The following OCLN variants were observed in gnomAD, a reference collection of about 807,000 sequenced individuals.
OCLN encodes the protein occludin, also known as phosphatase 1, regulatory subunit 115.
In OCLN, 21 loss-of-function variants were observed where a neutral mutation model predicts 47.9. The ratio of observed to expected loss-of-function variants is 0.44; its 90% CI spans 0.31 to 0.63. OCLN has a LOEUF of 0.63. Ranked by LOEUF, OCLN falls within the 30% of genes least tolerant of loss-of-function variation. OCLN has a pLI of 0.08. For missense variants in OCLN, 360 were observed against 571.0 expected, an observed-to-expected ratio of 0.63 and a Z score of 3.77; for synonymous variants, 117 against 198.4, an observed-to-expected ratio of 0.59 and a Z score of 3.45.
chr5:69,521,074 C>T (rs1011929600), intron 4 of OCLN, among the ~76,000 whole-genome samples: 6 of 151,776 alleles, frequency 4.0e-5, no homozygotes, highest in African/African-American at 1.5e-4. Flanking sequence ...TGACCTCAGG[C>T]GATCCACCCG....
intron 4 of OCLN, among the ~76,000 whole-genome samples, chr5:69,527,122 TAA>T (rs1268754717): frequency 6.6e-6 from 1 of 151,832 alleles, no homozygotes. Flanking sequence ...TCTAAAAATA[TAA>T]AAATTAGCTG....
intron 1 of OCLN, among the ~76,000 whole-genome samples, chr5:69,495,321 T>A (rs529398946): frequency 4.6e-5 from 7 of 152,286 alleles, no homozygotes; most frequent in African/African-American, 1.7e-4. Flanking sequence ...GTCTTGGCTG[T>A]GGTATGAATC....
chr5:69,508,074 AC>A (rs1768656986), intron 2 of OCLN, among the ~76,000 whole-genome samples: 1 of 150,612 alleles, frequency 6.6e-6, no homozygotes, highest in Admixed American at 6.6e-5. Context: ...TTGCCCTGTC[AC>A]CCAGGCTGGA....
chr5:69,529,080 C>G (rs1769360032), intron 4 of OCLN, among the ~76,000 whole-genome samples: 1 of 152,128 alleles, frequency 6.6e-6, no homozygotes, highest in Admixed American at 6.5e-5. Flanking sequence ...TCAAAGTGAC[C>G]TAGAACATTC....
intron 2 of OCLN, among the ~76,000 whole-genome samples, chr5:69,504,947 C>A (rs1452015641): frequency 6.7e-6 from 1 of 149,464 alleles, no homozygotes; most frequent in Non-Finnish European, 1.5e-5. Flanking sequence ...GAGCGAGACT[C>A]CGTCTGAAAA....
intron 1 of OCLN, among the ~76,000 whole-genome samples, chr5:69,498,230 A>T (rs1768356957): frequency 6.6e-6 from 1 of 152,178 alleles, no homozygotes; most frequent in East Asian, 1.9e-4. Flanking sequence ...ATGGTGGCTC[A>T]TGCCTGTAAT....
In OCLN at chr5:69,534,805, C is replaced by T. The variant is rs372766137; in HGVS notation, c.1003C>T (p.Arg335Trp). The T allele has an allele frequency of 2.8e-4, 387 of 1,372,504 alleles. 5 individuals are homozygous for T. In the South Asian group the frequency reaches 3.5e-3, roughly 12 times the overall value. The allele number at this position is 1,372,504 out of a possible 1,614,324, so 85.0% of individuals were successfully genotyped here. A position where few individuals can be genotyped will look rare whatever the true frequency, so the allele number is the denominator to read the frequency against. ...TTCCAATGGCAAAGTGAATGACAAGCGGTTTTATCCAGAGTCTTCCTATAA... is the reference window on the plus strand; with the variant it reads ...TTCCAATGGCAAAGTGAATGACAAGTGGTTTTATCCAGAGTCTTCCTATAA... ...YSSNGKVNDK[R>W]FYPESSYKST... is the part of the protein sequence containing the mutation. Residue 335 changes from arginine to tryptophan, a missense_variant, in exon 5 of 9, where the codon CGG (arginine) becomes TGG (tryptophan). Around this residue, in one of 3 missense-constraint regions of OCLN, gnomAD observed 21 missense variants for 158.9 expected, o/e 0.13. Transcript: ENST00000396442.
chr5:69,504,403 T>G (rs1768540103), intron 2 of OCLN, 109 bp downstream of exon 2: 3 of 741,448 alleles, frequency 4.0e-6, no homozygotes, highest in Non-Finnish European at 7.3e-6. Context: ...ACGATATGTG[T>G]ACTTGTAAAT....
At chr5:69,532,487 A>G (rs1769459616) in intron 4 of OCLN, among the ~76,000 whole-genome samples, 2 of 152,092 alleles carry the variant, frequency 1.3e-5, no homozygotes, top group African/African-American at 4.8e-5. Context: ...ATTTATTTTG[A>G]TTTTTTTCCC....
chr5:69,529,115 C>CT (rs1363729754), intron 4 of OCLN, among the ~76,000 whole-genome samples: 1 of 152,182 alleles, frequency 6.6e-6, no homozygotes, highest in Non-Finnish European at 1.5e-5. Flanking sequence ...TATTCCTTCT[C>CT]TGACTTCAGG....
intron 2 of OCLN, among the ~76,000 whole-genome samples, chr5:69,507,540 T>C (rs1768641019): frequency 6.6e-6 from 1 of 152,252 alleles, no homozygotes; most frequent in African/African-American, 2.4e-5. Flanking sequence ...AGTTTTGGCT[T>C]CATAGCACTG....
At chr5:69,521,435 A>C (rs1184177257) in intron 4 of OCLN, among the ~76,000 whole-genome samples, 1 of 152,168 alleles carries the variant, frequency 6.6e-6, no homozygotes, top group Admixed American at 6.5e-5. Flanking sequence ...TGTTTGTGTA[A>C]GATAAATTTC....
At chr5:69,504,941 G>A (rs1768556940) in intron 2 of OCLN, among the ~76,000 whole-genome samples, 3 of 149,828 alleles carry the variant, frequency 2.0e-5, no homozygotes, top group Admixed American at 6.7e-5. Flanking sequence ...GAGACAGAGC[G>A]AGACTCCGTC....
intron 1 of OCLN, among the ~76,000 whole-genome samples, chr5:69,495,118 T>C (rs1321312866): frequency 6.6e-6 from 1 of 152,238 alleles, no homozygotes; most frequent in African/African-American, 2.4e-5. Context: ...ATATCTTTCA[T>C]CTTCCTAGGA....
At chr5:69,497,844 G>T (rs1439985774) in intron 1 of OCLN, among the ~76,000 whole-genome samples, 2 of 152,140 alleles carry the variant, frequency 1.3e-5, no homozygotes, top group Non-Finnish European at 2.9e-5. Flanking sequence ...GTTAGCTTTT[G>T]TTGAAATTCT....
In OCLN at chr5:69,492,870, C is replaced by T. The variant is rs890079097; in HGVS notation, c.-99C>T. 8 of 152,192 alleles carry T rather than the reference C, an allele frequency of 5.3e-5. No individual in the cohort carries two copies. The highest frequency in any genetic ancestry group is 1.0e-4 in the Non-Finnish European group (7 of 68,156). 9.4% of individuals were successfully genotyped at this position (152,192 alleles called of 1,614,324 possible). A position where few individuals can be genotyped will look rare whatever the true frequency, so the allele number is the denominator to read the frequency against. The stretch of plus-strand genomic sequence containing the variant: ...GCGCGCTCCCTGGCACCGTTGGCCC[C>T]CGGAGGGTCGGGCCCAGTTGCGGCG... On this transcript the variant is annotated 5_prime_UTR_variant, in exon 1 of 9. Coordinates refer to ENST00000396442, the MANE Select transcript of OCLN (RefSeq NM_001205254.2).
chr5:69,532,057 A>G (rs1260870864), intron 4 of OCLN, among the ~76,000 whole-genome samples: 3 of 152,238 alleles, frequency 2.0e-5, no homozygotes, highest in Non-Finnish European at 4.4e-5. Flanking sequence ...TACTGTGTTT[A>G]AAGGCACTGT....
In OCLN at chr5:69,532,545, T is replaced by C. The variant is rs115224058; in HGVS notation, c.892-2149T>C. Among the ~76,000 whole-genome samples, 575 of 152,368 alleles carry C rather than the reference T, an allele frequency of 3.8e-3. 5 individuals are homozygous for C. Among genetic ancestry groups the C allele is most frequent in the Middle Eastern group, 6.8e-3 (2 of 294 alleles). On this transcript the variant is annotated intron_variant, in intron 4 of 8. Transcript: ENST00000396442. ...CCTTAAAACAACTAAATGATTCATC[T>C]AGGATTAGCACTTGTTTGAGGTCTT...
At chr5:69,506,655 T>C (rs1400941880) in intron 2 of OCLN, among the ~76,000 whole-genome samples, 1 of 152,162 alleles carries the variant, frequency 6.6e-6, no homozygotes, top group African/African-American at 2.4e-5. Context: ...GGGATACTTA[T>C]CACTTTGGAG....
Sources: gnomAD v4.1 joint callset for allele counts (sites outside exome capture counted in the v4.1 genomes callset) on GRCh38, gnomAD v4.1.1 for gene constraint, gnomAD v4.1.1 regional missense constraint, MANE v1.5 for transcripts, NCBI Gene and HGNC (gene_info 2026-07-23, HGNC 2026-07-21) for gene names.